The following COL23A1 variants were observed in gnomAD, a reference collection of about 807,000 sequenced individuals.
COL23A1 encodes the protein collagen alpha-1(XXIII) chain.
A neutral mutation model predicts 99.3 loss-of-function variants in COL23A1; 97 were observed. The observed-to-expected ratio is 0.98, with a 90% CI of 0.83 to 1.16. The LOEUF (loss-of-function observed/expected upper bound fraction) is 1.16. Among genes scored for constraint, COL23A1 ranks in the 50% most tolerant of loss-of-function variants. COL23A1 has a pLI of 0.00. For missense variants in COL23A1, 762 were observed against 757.4 expected (o/e 1.01, Z -0.07); for synonymous variants, 320 against 308.2 (o/e 1.04, Z -0.40).
chr5:178,386,697 G>C (rs1198970635), intron 2 of COL23A1, among the ~76,000 whole-genome samples: 2 of 152,144 alleles, frequency 1.3e-5, no homozygotes, highest in East Asian at 3.9e-4. Flanking sequence ...TATCAGCGCA[G>C]AAGGGTCCCC....
intron 2 of COL23A1, among the ~76,000 whole-genome samples, chr5:178,411,094 C>G (rs1372178355): frequency 6.6e-6 from 1 of 152,114 alleles, no homozygotes; most frequent in Non-Finnish European, 1.5e-5. Flanking sequence ...CAGTGGAATA[C>G]CACTTCACAC....
intron 8 of COL23A1, among the ~76,000 whole-genome samples, chr5:178,266,996 T>C (rs924444316): frequency 6.6e-6 from 1 of 152,180 alleles, no homozygotes; most frequent in East Asian, 1.9e-4. Flanking sequence ...TCCCTCTTTT[T>C]GGGGTGCCAG....
chr5:178,503,348 C>CA (rs567595781), intron 2 of COL23A1, among the ~76,000 whole-genome samples: 7 of 148,168 alleles, frequency 4.7e-5, no homozygotes, highest in East Asian at 2.0e-4. Context: ...ACTCTGTCTC[C>CA]AAAAAAAAAC....
At chr5:178,571,713 G>A (rs505529) in intron 1 of COL23A1, among the ~76,000 whole-genome samples, 53,971 of 151,998 alleles carry the variant, frequency 0.36, 10,785 homozygotes, top group African/African-American at 0.55. Flanking sequence ...AGACATTAAA[G>A]CAATTATTAT....
intron 2 of COL23A1, among the ~76,000 whole-genome samples, chr5:178,481,187 G>C (rs1757320991): frequency 6.8e-6 from 1 of 146,678 alleles, no homozygotes; most frequent in Non-Finnish European, 1.5e-5. Context: ...CTTTCCCTCA[G>C]AGTTGTGAAG....
At chr5:178,587,464 C>A (rs930069001) in intron 1 of COL23A1, among the ~76,000 whole-genome samples, 6 of 152,118 alleles carry the variant, frequency 3.9e-5, no homozygotes, top group African/African-American at 1.4e-4. Flanking sequence ...GCTTCTTTCC[C>A]CCTGACATTA....
At chr5:178,523,084 T>C (rs1300772104) in intron 2 of COL23A1, among the ~76,000 whole-genome samples, 4 of 150,022 alleles carry the variant, frequency 2.7e-5, no homozygotes, top group African/African-American at 9.8e-5. Flanking sequence ...GCAGATCACC[T>C]GAGGTCAGGA....
At chr5:178,375,599 C>T (rs1763030440) in intron 2 of COL23A1, among the ~76,000 whole-genome samples, 1 of 152,264 alleles carries the variant, frequency 6.6e-6, no homozygotes, top group Non-Finnish European at 1.5e-5. Flanking sequence ...TACTTCTCTC[C>T]CACCTTGCTG....
chr5:178,576,971 G>T (rs540196981), intron 1 of COL23A1, among the ~76,000 whole-genome samples: 1 of 151,858 alleles, frequency 6.6e-6, no homozygotes, highest in South Asian at 2.1e-4. Context: ...CGGCCCCAGC[G>T]CAGCGCCCGG....
At chr5:178,364,991 T>C (rs2127711014) in intron 2 of COL23A1, among the ~76,000 whole-genome samples, 1 of 152,298 alleles carries the variant, frequency 6.6e-6, no homozygotes, top group South Asian at 2.1e-4. Flanking sequence ...CAATACAGCC[T>C]GAATTTATTA....
rs530779737 is a variant in COL23A1, at chr5:178,320,731, C to T, written c.362-13812G>A. On this transcript the variant is annotated intron_variant, in intron 2 of 28. Coordinates refer to ENST00000390654, the MANE Select transcript of COL23A1 (RefSeq NM_173465.4). Reference sequence around the variant, plus strand: ...GACCCCCAGGGCCAGGGCTGAGGCCCGGCTTCCGCCAAAGAGTTTCAGCTG... The same window carrying T: ...GACCCCCAGGGCCAGGGCTGAGGCCTGGCTTCCGCCAAAGAGTTTCAGCTG... 2.6e-5 allele frequency among the ~76,000 whole-genome samples: 4 copies of T among 152,338 alleles called. No individual in the cohort carries two copies. In the South Asian group the frequency reaches 8.3e-4, roughly 32 times the overall value.
At chr5:178,358,075 T>C (rs1431258786) in intron 2 of COL23A1, among the ~76,000 whole-genome samples, 2 of 148,074 alleles carry the variant, frequency 1.4e-5, no homozygotes, top group African/African-American at 4.9e-5. Context: ...ATTGTGTGTA[T>C]GTGTATGTAC....
Position 178,254,953 on chromosome 5 carries a change from A to G in COL23A1, c.956T>C (p.Leu319Pro). The G allele has an allele frequency of 6.2e-7, 1 of 1,613,218 alleles. No homozygotes were observed. Among genetic ancestry groups the G allele is most frequent in the Non-Finnish European group, 8.5e-7 (1 of 1,179,396 alleles). ...IDYDGRILDA[L>P]KGPPGPQGPP... ...TGGTCCCACCAGGAACACTACCTTG[A>G]GGGCATCCAAGATCCTGCCATCATA... Residue 319 changes from leucine (L) to proline (P), a missense_variant, in exon 16 of 29, where the codon CTC (leucine) becomes CCC (proline). Physicochemically the swap from Leu to Pro is moderately conservative, Grantham distance 98. Coordinates refer to ENST00000390654, the MANE Select transcript of COL23A1 (RefSeq NM_173465.4).
rs536393935 is a variant in COL23A1 at position 178,329,754 on chromosome 5, T to G, written c.362-22835A>C. 2.5e-4 allele frequency among the ~76,000 whole-genome samples: 38 copies of G among 152,066 alleles called. No individual in the cohort carries two copies. In the South Asian group the frequency reaches 7.1e-3, roughly 28 times the overall value. On this transcript the variant is annotated intron_variant, in intron 2 of 28. Transcript: ENST00000390654. Reference sequence around the variant, plus strand: ...GAGTGCGAGACCAGCCTGGCTAACATAGAGAAACCCCATCTCTACTAAAAA... The same window carrying G: ...GAGTGCGAGACCAGCCTGGCTAACAGAGAGAAACCCCATCTCTACTAAAAA...
chr5:178,585,473 G>T (rs1458357426), intron 1 of COL23A1, among the ~76,000 whole-genome samples: 1 of 150,352 alleles, frequency 6.7e-6, no homozygotes, highest in East Asian at 2.0e-4. Context: ...GATGCTGGGG[G>T]TAACACTCCA....
chr5:178,435,546 A>G, intron 2 of COL23A1, among the ~76,000 whole-genome samples: 1 of 152,120 alleles, frequency 6.6e-6, no homozygotes, highest in South Asian at 2.1e-4. Context: ...CTGCCACCTG[A>G]CCTCAGGCGA....
chr5:178,530,968 T>C (rs929210277), intron 2 of COL23A1, among the ~76,000 whole-genome samples: 1 of 152,130 alleles, frequency 6.6e-6, no homozygotes, highest in African/African-American at 2.4e-5. Context: ...CCTGGGTTCA[T>C]GAGATTCTCC....
chr5:178,443,748 G>A (rs1409188289), intron 2 of COL23A1, among the ~76,000 whole-genome samples: 3 of 151,778 alleles, frequency 2.0e-5, no homozygotes, highest in Non-Finnish European at 4.4e-5. Context: ...GTCAGCCACC[G>A]AGCCCGGCCT....
chr5:178,285,104 G>A (rs574269842), intron 5 of COL23A1, among the ~76,000 whole-genome samples: 6 of 152,326 alleles, frequency 3.9e-5, no homozygotes, highest in African/African-American at 7.2e-5. Flanking sequence ...AGGGCGAGCC[G>A]GGCCCTTGTC....
Sources: allele counts gnomAD v4.1 joint callset (sites outside exome capture counted in the v4.1 genomes callset), GRCh38; gene constraint gnomAD v4.1.1; transcripts MANE v1.5; gene names NCBI Gene and HGNC (gene_info 2026-07-23, HGNC 2026-07-21).